SUCO: variants seen among roughly 807,000 people sequenced by gnomAD.
SUCO encodes SUN domain-containing ossification factor.
Under a neutral mutation model 148.1 loss-of-function variants are expected in SUCO, and 57 were observed. The ratio of observed to expected loss-of-function variants is 0.38; its 90% confidence interval spans 0.31 to 0.48. SUCO has a LOEUF of 0.48. Ranked by LOEUF, SUCO falls within the 20% of genes least tolerant of loss-of-function variation. The probability of loss-of-function intolerance (pLI) is 0.96; values close to 1 mark genes in which losing one functional copy is unlikely to be tolerated. For synonymous variants in SUCO, 470 were observed against 502.7 expected (o/e 0.93, Z 0.87); for missense variants, 1,331 against 1,468.2 (o/e 0.91, Z 1.53).
intron 22 of SUCO, 58 bp from the exon 23 acceptor site, chr1:172,608,689 C>G: frequency 8.7e-7 from 1 of 1,150,628 alleles, no homozygotes. Context: ...TTAATTATAG[C>G]AAATCCACCA....
At chr1:172,577,864 A>T (rs781101009) in intron 13 of SUCO, 45 bp downstream of exon 13, 88 of 1,457,344 alleles carry the variant, frequency 6.0e-5, no homozygotes, top group African/African-American at 1.4e-4. Context: ...AAAAAAATTG[A>T]TATACAAAAT....
intron 1 of SUCO, among the ~76,000 whole-genome samples, chr1:172,545,065 G>T (rs987151992): frequency 6.6e-6 from 1 of 152,156 alleles, no homozygotes; most frequent in African/African-American, 2.4e-5. Context: ...CAAAGGAGTA[G>T]TCACAGGTGT....
Position 172,588,740 on chromosome 1 carries a change from T to C in SUCO, c.1659-20T>C, listed in dbSNP as rs1239067887. The C allele has an allele frequency of 7.3e-7, 1 of 1,364,952 alleles. No homozygotes were observed. Among genetic ancestry groups the C allele is most frequent in the South Asian group, 2.4e-5 (1 of 42,134 alleles). 84.6% of individuals were successfully genotyped at this position (1,364,952 alleles called of 1,614,324 possible). A position where few individuals can be genotyped will look rare whatever the true frequency, so the allele number is the denominator to read the frequency against. ...GACTTCTAAGTAAGTGATTTATAAT[T>C]ATGATATATGTATTTCTAGGTATGT... On this transcript the variant is annotated intron_variant, in intron 17 of 23. Transcript: ENST00000263688.
At chr1:172,579,077 A>C in intron 14 of SUCO, 125 bp from the exon 15 acceptor site, 1 of 614,366 alleles carries the variant, frequency 1.6e-6, no homozygotes, top group Non-Finnish European at 2.9e-6. Context: ...TAGATATATG[A>C]TTCATATTTA....
At chr1:172,543,884 C>T (rs1571181077) in intron 1 of SUCO, among the ~76,000 whole-genome samples, 1 of 151,958 alleles carries the variant, frequency 6.6e-6, no homozygotes, top group East Asian at 1.9e-4. Context: ...AAAAGAGCTC[C>T]AGACTGATAC....
At chr1:172,541,827 A>G in intron 1 of SUCO, 2 of 982,372 alleles carry the variant, frequency 2.0e-6, no homozygotes, top group Non-Finnish European at 1.2e-6. Context: ...CTGAGAGTAC[A>G]TTCTAGGGCC....
chr1:172,532,988 TG>T (rs1258579339), upstream of SUCO: 3 of 1,392,390 alleles, frequency 2.2e-6, no homozygotes, highest in African/African-American at 2.9e-5. Flanking sequence ...CAGAGGCTGG[TG>T]GGGGTGCGGG....
intron 5 of SUCO, 45 bp from the exon 6 acceptor site, chr1:172,557,599 T>C (rs1480474971): frequency 6.6e-7 from 1 of 1,512,598 alleles, no homozygotes; most frequent in Non-Finnish European, 8.9e-7. Context: ...GAATTTGTTA[T>C]CCAGTAAAAT....
In SUCO at chr1:172,601,864, A is replaced by G. The variant is rs562851573; in HGVS notation, c.3019-200A>G. On this transcript the variant is annotated intron_variant, in intron 20 of 23. Transcript: ENST00000263688. ...TAAAACTTCCATAGGTTTCACTCCT[A>G]TAGAAAGAATTGGAATGCTGCAAAG... 3.0e-5 allele frequency: 5 copies of G among 168,026 alleles called. No homozygotes were observed. The East Asian group carries it at 5.7e-4, about 19-fold the overall frequency. The allele number at this position is 168,026 out of a possible 1,614,324, so 10.4% of individuals were successfully genotyped here.
chr1:172,542,766 CAG>C, intron 1 of SUCO: 4 of 985,206 alleles, frequency 4.1e-6, no homozygotes, highest in Non-Finnish European at 4.8e-6. Context: ...ACTTTTGAAA[CAG>C]AATAAAGAAA....
intron 18 of SUCO, chr1:172,590,242 C>T (rs1018622988): frequency 1.3e-6 from 1 of 752,592 alleles, no homozygotes; most frequent in African/African-American, 1.9e-5. Flanking sequence ...GCTTGATTCC[C>T]AGAGGGCTCA....
At chr1:172,564,623 A>G (rs1244066182) in intron 6 of SUCO, among the ~76,000 whole-genome samples, 7 of 151,210 alleles carry the variant, frequency 4.6e-5, no homozygotes, top group Non-Finnish European at 8.8e-5. Flanking sequence ...TTTTTTTCAT[A>G]AATTACCCAA....
At chr1:172,594,433 C>T (rs868370318) in intron 19 of SUCO, among the ~76,000 whole-genome samples, 2 of 152,146 alleles carry the variant, frequency 1.3e-5, no homozygotes, top group African/African-American at 4.8e-5. Context: ...ATAAATTTCC[C>T]TGTACACACT....
Position 172,575,540 on chromosome 1 carries a change from A to G in SUCO, c.1180A>G (p.Lys394Glu), listed in dbSNP as rs1376816110. ...SDRYPTNKWI[K>E]LGTFHGRDER... Reference sequence around the variant, plus strand: ...TAGATATCCAACAAATAAGTGGATTAAGCTGGGTACTTTTCATGGTAGAGA... The same window carrying G: ...TAGATATCCAACAAATAAGTGGATTGAGCTGGGTACTTTTCATGGTAGAGA... The change falls in exon 11 of 24, where the codon AAG (lysine) becomes GAG (glutamate). Residue 394 changes from lysine (K) to glutamate (E), a missense_variant. Coordinates refer to ENST00000263688, the MANE Select transcript of SUCO (RefSeq NM_014283.5). The G allele has an allele frequency of 2.5e-6, 4 of 1,611,428 alleles. No individual in the cohort carries two copies. Among genetic ancestry groups the G allele is most frequent in the Non-Finnish European group, 3.4e-6 (4 of 1,178,264 alleles).
intron 3 of SUCO, among the ~76,000 whole-genome samples, chr1:172,553,990 A>G (rs1571199795): frequency 6.6e-6 from 1 of 152,216 alleles, no homozygotes; most frequent in African/African-American, 2.4e-5. Context: ...AGGACTAAGG[A>G]AAAACTAAAA....
At chr1:172,573,399 A>G (rs1655189273) in intron 9 of SUCO, among the ~76,000 whole-genome samples, 1 of 152,060 alleles carries the variant, frequency 6.6e-6, no homozygotes, top group Non-Finnish European at 1.5e-5. Flanking sequence ...ATTTAACTTG[A>G]TTTCCCCCCC....
At chr1:172,545,846 A>G (rs1008443499) in intron 1 of SUCO, among the ~76,000 whole-genome samples, 5 of 152,212 alleles carry the variant, frequency 3.3e-5, no homozygotes, top group African/African-American at 1.2e-4. Context: ...TACAATGTTG[A>G]TACTGAGTTG....
chr1:172,533,162 T>G lies in SUCO; in HGVS notation c.-274T>G, dbSNP rs528631046. ...GGGCGGGGAGGATATGGGGCGGCAGTGGCGGCTGCAGGAGGCGGGCGTGGA... is the reference window on the plus strand; with the variant it reads ...GGGCGGGGAGGATATGGGGCGGCAGGGGCGGCTGCAGGAGGCGGGCGTGGA... On this transcript the variant is annotated 5_prime_UTR_variant, in exon 1 of 24. Coordinates refer to ENST00000263688, the MANE Select transcript of SUCO (RefSeq NM_014283.5). 1 of 1,470,298 alleles carries G rather than the reference T, an allele frequency of 6.8e-7. No homozygotes were observed. Among genetic ancestry groups the G allele is most frequent in the East Asian group, 2.5e-5 (1 of 39,498 alleles). 91.1% of individuals were successfully genotyped at this position (1,470,298 alleles called of 1,614,324 possible).
At position 172,608,796 on chromosome 1, in the gene SUCO, AAAG is replaced by A; in HGVS notation, c.3319_3321del (p.Lys1109del). ...TAGAACCCCTCAAGTTTTCTCCAGAAAAGAAGGTAATTGTTTATTTCTTTTTAA... is the reference window on the plus strand; with the variant it reads ...TAGAACCCCTCAAGTTTTCTCCAGAAAAGGTAATTGTTTATTTCTTTTTAA... On this transcript the variant is annotated inframe_deletion, in exon 23 of 24. Coordinates refer to ENST00000263688, the MANE Select transcript of SUCO (RefSeq NM_014283.5). 1.3e-6 allele frequency: 2 copies of A among 1,569,550 alleles called. No homozygotes were observed. Among genetic ancestry groups the A allele is most frequent in the Non-Finnish European group, 1.7e-6 (2 of 1,146,646 alleles).
Sources: gnomAD v4.1 joint callset for allele counts (sites outside exome capture counted in the v4.1 genomes callset) on GRCh38, gnomAD v4.1.1 for gene constraint, MANE v1.5 for transcripts, NCBI Gene and HGNC (gene_info 2026-07-23, HGNC 2026-07-21) for gene names.